The following SEL1L2 variants were observed in gnomAD, a reference collection of about 807,000 sequenced individuals.
SEL1L2 encodes the protein SEL1L2 adaptor subunit of SYVN1 ubiquitin ligase.
A neutral mutation model predicts 98.8 loss-of-function variants in SEL1L2; 89 were observed. That is an observed-to-expected ratio of 0.90 (90% CI 0.76 to 1.07). The LOEUF is 1.07. Among genes scored for constraint, SEL1L2 ranks in the 50% least tolerant of loss-of-function variants. The pLI, the probability that SEL1L2 is intolerant of heterozygous loss-of-function variation, is 0.00. For synonymous variants in SEL1L2, 262 were observed against 278.5 expected, an observed-to-expected ratio of 0.94 and a Z score of 0.59; for missense variants, 788 against 812.0, an observed-to-expected ratio of 0.97 and a Z score of 0.36.
intron 2 of SEL1L2, among the ~76,000 whole-genome samples, chr20:13,946,855 G>A (rs2050035700): frequency 6.6e-6 from 1 of 152,232 alleles, no homozygotes; most frequent in East Asian, 1.9e-4. Flanking sequence ...AACCCAGCTG[G>A]TGTGTGTGCA....
intron 1 of SEL1L2, among the ~76,000 whole-genome samples, chr20:13,963,986 T>C (rs374914627): frequency 2.0e-4 from 31 of 151,900 alleles, no homozygotes; most frequent in Middle Eastern, 3.4e-3. Context: ...ATTCTCCTGC[T>C]TCAGCCTCCC....
chr20:13,962,445 CAG>C (rs1385114716), intron 1 of SEL1L2, among the ~76,000 whole-genome samples: 1 of 152,170 alleles, frequency 6.6e-6, no homozygotes, highest in Non-Finnish European at 1.5e-5. Flanking sequence ...ACCATGTGGA[CAG>C]AGAGGCCCAG....
chr20:13,850,331 A>C lies in SEL1L2; in HGVS notation c.1819-12T>G. Reference sequence around the variant, plus strand: ...GCCAAGTGAATGTCCTAGAAGGAGAAGAATAGCCCTACCCATCAGATTCTG... The same window carrying C: ...GCCAAGTGAATGTCCTAGAAGGAGACGAATAGCCCTACCCATCAGATTCTG... On this transcript the variant is annotated splice_polypyrimidine_tract_variant and intron_variant, in intron 18 of 19. Coordinates refer to ENST00000284951, the MANE Select transcript of SEL1L2 (RefSeq NM_025229.2). 1 of 1,613,746 alleles carries C rather than the reference A, an allele frequency of 6.2e-7. No homozygotes were observed. Among genetic ancestry groups the C allele is most frequent in the Non-Finnish European group, 8.5e-7 (1 of 1,179,784 alleles).
chr20:13,949,569 A>C (rs2050171226), intron 2 of SEL1L2, among the ~76,000 whole-genome samples: 1 of 152,204 alleles, frequency 6.6e-6, no homozygotes. Flanking sequence ...AGGCTGAGGC[A>C]GGAGAATGGC....
At chr20:13,963,218 G>A (rs768636614) in intron 1 of SEL1L2, among the ~76,000 whole-genome samples, 2 of 151,738 alleles carry the variant, frequency 1.3e-5, no homozygotes, top group Non-Finnish European at 2.9e-5. Flanking sequence ...CCTCCTTTTT[G>A]TCCCTGGTGT....
At chr20:13,849,921 G>A (rs1356973724) in intron 19 of SEL1L2, 7 of 549,746 alleles carry the variant, frequency 1.3e-5, no homozygotes, top group Non-Finnish European at 2.3e-5. Context: ...AGTATATATA[G>A]CACATGTCAC....
chr20:13,928,128 C>T (rs1325611353), intron 3 of SEL1L2: 1 of 152,230 alleles, frequency 6.6e-6, no homozygotes, highest in Non-Finnish European at 1.5e-5. Context: ...TTTGAAGTTT[C>T]ACTAACTTTT....
chr20:13,885,219 C>T, intron 10 of SEL1L2, 128 bp downstream of exon 10: 1 of 692,370 alleles, frequency 1.4e-6, no homozygotes, highest in Non-Finnish European at 2.7e-6. Context: ...CATAGCTGAC[C>T]AAGGAAGCAT....
intron 2 of SEL1L2, among the ~76,000 whole-genome samples, chr20:13,942,310 A>T (rs2049818468): frequency 6.6e-6 from 1 of 152,228 alleles, no homozygotes; most frequent in African/African-American, 2.4e-5. Flanking sequence ...GAGTATGAAC[A>T]CTAGTGCCCC....
At chr20:13,870,270 A>C (rs2046121741) in intron 12 of SEL1L2, 67 bp from the exon 13 acceptor site, 1 of 1,273,814 alleles carries the variant, frequency 7.9e-7, no homozygotes, top group African/African-American at 1.5e-5. Flanking sequence ...TTACTGCAAA[A>C]TTTTTCAAAA....
chr20:13,891,663 CAA>C (rs61545047), intron 5 of SEL1L2, among the ~76,000 whole-genome samples: 140 of 74,194 alleles, frequency 1.9e-3, no homozygotes, highest in East Asian at 3.3e-3. Context: ...AAGACTCCAT[CAA>C]AAAAAAAAAA....
intron 1 of SEL1L2, among the ~76,000 whole-genome samples, chr20:13,988,426 C>T (rs1355212726): frequency 6.6e-6 from 1 of 152,110 alleles, no homozygotes; most frequent in Non-Finnish European, 1.5e-5. Flanking sequence ...GAGAGATTAT[C>T]TCCTCCTGCA....
At position 13,886,289 on chromosome 20, in the gene SEL1L2, T is replaced by G; in HGVS notation, c.899A>C (p.Gln300Pro). ...FLAERGDVQI[Q>P]VSLGQLHLIG... ...CTCAATCTCATCTGTATACATTACTTGTATCTGAACATCTCCTCTTTCTGC... is the reference window on the plus strand; with the variant it reads ...CTCAATCTCATCTGTATACATTACTGGTATCTGAACATCTCCTCTTTCTGC... The change falls in exon 9 of 20, where the codon CAA becomes CCA. Residue 300 changes from glutamine to proline, a missense_variant and splice_region_variant. By Grantham distance (76) the Gln-to-Pro change is moderately conservative. Coordinates refer to ENST00000284951, the MANE Select transcript of SEL1L2 (RefSeq NM_025229.2). 1 of 1,604,140 alleles carries G rather than the reference T, an allele frequency of 6.2e-7. No homozygotes were observed. The highest frequency in any genetic ancestry group is 8.5e-7 in the Non-Finnish European group (1 of 1,173,556).
chr20:13,852,128 A>G (rs1415260785), intron 18 of SEL1L2, among the ~76,000 whole-genome samples: 1 of 152,224 alleles, frequency 6.6e-6, no homozygotes, highest in African/African-American at 2.4e-5. Flanking sequence ...CACACGTGAA[A>G]GACATATTGA....
chr20:13,853,626 T>C (rs941123307), intron 18 of SEL1L2, among the ~76,000 whole-genome samples: 1 of 152,234 alleles, frequency 6.6e-6, no homozygotes, highest in African/African-American at 2.4e-5. Context: ...GACAATTCTA[T>C]AGGACAGGTG....
intron 5 of SEL1L2, among the ~76,000 whole-genome samples, chr20:13,899,467 AT>A: frequency 1.3e-5 from 2 of 152,280 alleles, no homozygotes; most frequent in Admixed American, 1.3e-4. Flanking sequence ...CTTAACCAGC[AT>A]TTACTAAGCA....
chr20:13,892,284 T>G (rs935456793), intron 5 of SEL1L2, among the ~76,000 whole-genome samples: 1 of 151,280 alleles, frequency 6.6e-6, no homozygotes. Flanking sequence ...ATGCCATCTG[T>G]ACAAAAATAT....
At chr20:13,992,661 A>G (rs2052567510), upstream of SEL1L2, among the ~76,000 whole-genome samples, 1 of 152,206 alleles carries the variant, frequency 6.6e-6, no homozygotes, top group Non-Finnish European at 1.5e-5. Context: ...TAATTGTTAT[A>G]AAAAGACTGT....
intron 10 of SEL1L2, among the ~76,000 whole-genome samples, chr20:13,878,451 C>T (rs1041914969): frequency 6.6e-6 from 1 of 152,074 alleles, no homozygotes; most frequent in African/African-American, 2.4e-5. Context: ...TTACAGGCGC[C>T]CCCACCCACA....
Sources: gnomAD v4.1 joint callset for allele counts (sites outside exome capture counted in the v4.1 genomes callset) on GRCh38, gnomAD v4.1.1 for gene constraint, MANE v1.5 for transcripts, NCBI Gene and HGNC (gene_info 2026-07-23, HGNC 2026-07-21) for gene names.